The following B3GALT1 variants were observed in gnomAD, a reference collection of about 807,000 sequenced individuals.
The protein encoded by B3GALT1 is beta-1,3-galactosyltransferase 1.
A neutral mutation model predicts 23.2 loss-of-function variants in B3GALT1; 10 were observed. The ratio of observed to expected loss-of-function variants is 0.43; its 90% CI spans 0.27 to 0.73. The LOEUF is 0.73. Ranked by LOEUF, B3GALT1 falls within the 30% of genes least tolerant of loss-of-function variation. The pLI is 0.21. For synonymous variants in B3GALT1, 156 were observed against 141.5 expected (o/e 1.10, Z -0.73); for missense variants, 299 against 405.4 (o/e 0.74, Z 2.25).
chr2:167,498,074 A>G (rs942202182), intron 2 of B3GALT1, among the ~76,000 whole-genome samples: 3 of 152,128 alleles, frequency 2.0e-5, no homozygotes, highest in Non-Finnish European at 2.9e-5. Flanking sequence ...TGCTCTTACC[A>G]TCTGCTCTGA....
intron 2 of B3GALT1, among the ~76,000 whole-genome samples, chr2:167,579,083 TAAATC>T (rs979926177): frequency 1.3e-5 from 2 of 152,078 alleles, no homozygotes; most frequent in African/African-American, 4.8e-5. Context: ...TGGCAGGGCT[TAAATC>T]ATTTTTTACA....
intron 1 of B3GALT1, among the ~76,000 whole-genome samples, chr2:167,399,023 C>G (rs1281189756): frequency 2.0e-5 from 3 of 152,162 alleles, no homozygotes; most frequent in African/African-American, 7.2e-5. Context: ...TTGAGCAGTT[C>G]TAGATATGGC....
chr2:167,605,176 A>G (rs1318290096), intron 2 of B3GALT1, among the ~76,000 whole-genome samples: 1 of 152,242 alleles, frequency 6.6e-6, no homozygotes, highest in Non-Finnish European at 1.5e-5. Flanking sequence ...GAGCAAAGAA[A>G]GAAACATCAA....
intron 3 of B3GALT1, among the ~76,000 whole-genome samples, chr2:167,746,996 C>A (rs1413761826): frequency 6.6e-6 from 1 of 152,120 alleles, no homozygotes; most frequent in Non-Finnish European, 1.5e-5. Flanking sequence ...CTTTTTCGCT[C>A]CCTTTCTGCT....
At chr2:167,782,685 G>T (rs1688266887) in intron 3 of B3GALT1, among the ~76,000 whole-genome samples, 1 of 152,140 alleles carries the variant, frequency 6.6e-6, no homozygotes, top group South Asian at 2.1e-4. Context: ...TCCTGGGGGG[G>T]AAAGTTATTT....
chr2:167,829,439 C>T (rs866639730), intron 4 of B3GALT1, among the ~76,000 whole-genome samples: 2 of 150,670 alleles, frequency 1.3e-5, no homozygotes, highest in African/African-American at 2.4e-5. Flanking sequence ...GCCAAGATCA[C>T]GCCATTGCAC....
chr2:167,463,397 G>A (rs1699296303), intron 1 of B3GALT1, among the ~76,000 whole-genome samples: 1 of 151,930 alleles, frequency 6.6e-6, no homozygotes. Context: ...TACACTAATA[G>A]CCTGTATTGT....
At chr2:167,835,489 CA>C (rs1689443782) in intron 4 of B3GALT1, among the ~76,000 whole-genome samples, 1 of 152,250 alleles carries the variant, frequency 6.6e-6, no homozygotes, top group African/African-American at 2.4e-5. Flanking sequence ...GAGGGGCACC[CA>C]CCATTGCCCA....
intron 3 of B3GALT1, among the ~76,000 whole-genome samples, chr2:167,756,964 C>T (rs1687827452): frequency 6.6e-6 from 1 of 152,126 alleles, no homozygotes; most frequent in African/African-American, 2.4e-5. Context: ...AGGGGGTTCT[C>T]AAGTCCTCAA....
intron 3 of B3GALT1, among the ~76,000 whole-genome samples, chr2:167,673,777 G>T (rs1364029189): frequency 6.6e-6 from 1 of 151,966 alleles, no homozygotes; most frequent in Non-Finnish European, 1.5e-5. Context: ...TAGATATTTA[G>T]AATATATTTG....
chr2:167,301,843 C>T (rs546966159), intron 1 of B3GALT1, among the ~76,000 whole-genome samples: 1 of 152,280 alleles, frequency 6.6e-6, no homozygotes, highest in African/African-American at 2.4e-5. Context: ...GCCACTGTGC[C>T]CAGCCAAGAC....
At chr2:167,831,793 A>G (rs1689359983) in intron 4 of B3GALT1, among the ~76,000 whole-genome samples, 1 of 152,220 alleles carries the variant, frequency 6.6e-6, no homozygotes, top group African/African-American at 2.4e-5. Context: ...AGAGCCCATC[A>G]CTGGTGACAG....
In B3GALT1 at chr2:167,477,039, G is replaced by A. The variant is rs34465822; in HGVS notation, c.-510-13138G>A. On this transcript the variant is annotated intron_variant, in intron 1 of 4. Coordinates refer to ENST00000392690, the MANE Select transcript of B3GALT1 (RefSeq NM_020981.4). ...GTTTTCATCAATTATTCAAGCTTTA[G>A]GAGTCATCAAAGAATCCTAATGCGT... Among the ~76,000 whole-genome samples the A allele has an allele frequency of 6.9e-3, 1,049 of 152,210 alleles. 10 individuals are homozygous for A. Among genetic ancestry groups the A allele is most frequent in the Non-Finnish European group, 8.3e-3 (566 of 68,010 alleles).
intron 3 of B3GALT1, among the ~76,000 whole-genome samples, chr2:167,676,266 A>G (rs1194836731): frequency 6.6e-6 from 1 of 152,044 alleles, no homozygotes; most frequent in African/African-American, 2.4e-5. Context: ...TTTTTATCCC[A>G]AAGGTTTTGT....
At chr2:167,310,390 A>T (rs1696618331) in intron 1 of B3GALT1, among the ~76,000 whole-genome samples, 1 of 152,096 alleles carries the variant, frequency 6.6e-6, no homozygotes, top group African/African-American at 2.4e-5. Context: ...GGGCAAAAAC[A>T]CTGATGGAAG....
intron 1 of B3GALT1, among the ~76,000 whole-genome samples, chr2:167,428,978 A>C (rs763646722): frequency 6.6e-6 from 1 of 152,060 alleles, no homozygotes; most frequent in East Asian, 1.9e-4. Context: ...AATACACTAC[A>C]ATAAAGAAAT....
intron 3 of B3GALT1, among the ~76,000 whole-genome samples, chr2:167,731,284 G>A (rs570941324): frequency 9.2e-5 from 14 of 152,332 alleles, no homozygotes; most frequent in Non-Finnish European, 1.8e-4. Context: ...TTAGCTTGTA[G>A]TCTACTGATG....
In B3GALT1 at chr2:167,576,375, T is replaced by C. The variant is rs773285109; in HGVS notation, c.-409-70534T>C. On this transcript the variant is annotated intron_variant, in intron 2 of 4. Coordinates refer to ENST00000392690, the MANE Select transcript of B3GALT1 (RefSeq NM_020981.4). ...ATTAGAATAGTGTACTTTGAAACTT[T>C]AATTAAACTGCTCTGATTGCTTTAG... Among the ~76,000 whole-genome samples, 7 of 151,934 alleles carry C rather than the reference T, an allele frequency of 4.6e-5. No individual in the cohort carries two copies. In the South Asian group the frequency reaches 8.3e-4, roughly 18 times the overall value.
In B3GALT1 at chr2:167,634,200, G is replaced by A. The variant is rs552722393; in HGVS notation, c.-409-12709G>A. Among the ~76,000 whole-genome samples, 22 of 152,250 alleles carry A rather than the reference G, an allele frequency of 1.4e-4. No individual in the cohort carries two copies. The South Asian group carries it at 4.6e-3, about 31-fold the overall frequency. On this transcript the variant is annotated intron_variant, in intron 2 of 4. Transcript: ENST00000392690. ...GAATCTCTGGGACACAGCTAAAGCAGTGTTTAGAGGGAAGTTTATATCACT... is the reference window on the plus strand; with the variant it reads ...GAATCTCTGGGACACAGCTAAAGCAATGTTTAGAGGGAAGTTTATATCACT...
Sources: gnomAD v4.1 joint callset for allele counts (sites outside exome capture counted in the v4.1 genomes callset) on GRCh38, gnomAD v4.1.1 for gene constraint, MANE v1.5 for transcripts, NCBI Gene and HGNC (gene_info 2026-07-23, HGNC 2026-07-21) for gene names.